URB2: variants seen among roughly 807,000 people sequenced by gnomAD.
URB2 encodes URB2 ribosome biogenesis homolog.
A neutral mutation model predicts 120.9 loss-of-function variants in URB2; 86 were observed. The observed-to-expected ratio is 0.71, with a 90% CI of 0.60 to 0.85. URB2 has a LOEUF of 0.85. Ranked by LOEUF, URB2 falls within the 40% of genes least tolerant of loss-of-function variation. The pLI is 0.00. For missense variants in URB2, 1,765 were observed against 1,836.5 expected (o/e 0.96, Z 0.71); for synonymous variants, 755 against 758.4 (o/e 1.00, Z 0.07).
chr1:229,635,513 G>A lies in URB2; in HGVS notation c.900G>A (p.Val300=). The change falls in exon 4 of 10, where the codon GTG becomes GTA. Residue 300 remains valine, a synonymous_variant. Transcript: ENST00000258243. ...CAGCATCCCTTCATACCTCTGTTGT[G>A]GCCAACTCAGTGGCCTTGCTGTATA... The part of the protein sequence containing the change: ...YCAASLHTSV[V]ANSVALLYKL... 1 of 1,614,044 alleles carries A rather than the reference G, an allele frequency of 6.2e-7. No homozygotes were observed. Among genetic ancestry groups the A allele is most frequent in the East Asian group, 2.2e-5 (1 of 44,894 alleles).
chr1:229,632,167 G>A (rs539658275), intron 2 of URB2, 102 bp from the exon 3 acceptor site: 17 of 471,360 alleles, frequency 3.6e-5, no homozygotes, highest in East Asian at 2.7e-4. Flanking sequence ...CGCCGCCCCC[G>A]TGGCAATTGG....
chr1:229,638,317 C>T (rs1665910284), intron 4 of URB2, 70 bp downstream of exon 4: 1 of 1,483,934 alleles, frequency 6.7e-7, no homozygotes, highest in African/African-American at 1.4e-5. Context: ...CTTTTTGGAA[C>T]TGGGAATAAG....
Position 229,654,254 on chromosome 1 carries a change from A to G in URB2, c.4243A>G (p.Ile1415Val), listed in dbSNP as rs895573807. The G allele has an allele frequency of 3.7e-6, 6 of 1,613,860 alleles. No individual in the cohort carries two copies. The Admixed American group carries it at 8.3e-5, about 22-fold the overall frequency. ...AAACACTTTGTTGTCTGTAGGAAGC[A>G]TAGATGACCTGCCTACGGTCCTAAA... ...REGRQKDKGS[I>V]DDLPTVLKCA... The change falls in exon 9 of 10, where the codon ATA (isoleucine) becomes GTA (valine). Residue 1415 changes from isoleucine (I) to valine (V), a missense_variant. Physicochemically the swap from Ile to Val is conservative, Grantham distance 29. Coordinates refer to ENST00000258243, the MANE Select transcript of URB2 (RefSeq NM_014777.4).
intron 7 of URB2, among the ~76,000 whole-genome samples, chr1:229,648,976 CAT>C (rs1387259367): frequency 2.0e-5 from 3 of 152,184 alleles, no homozygotes; most frequent in Non-Finnish European, 4.4e-5. Flanking sequence ...ACCTGTACAA[CAT>C]GTGACTAATG....
intron 9 of URB2, among the ~76,000 whole-genome samples, chr1:229,657,620 C>T (rs775922196): frequency 4.6e-5 from 7 of 152,282 alleles, no homozygotes; most frequent in East Asian, 1.9e-4. Context: ...GTCTGTTTTT[C>T]GTTTTGTTTT....
chr1:229,640,501 G>C (rs990555071), intron 4 of URB2, among the ~76,000 whole-genome samples: 1 of 152,126 alleles, frequency 6.6e-6, no homozygotes, highest in Non-Finnish European at 1.5e-5. Flanking sequence ...TTGAGGTGAG[G>C]TCTGGAAGTC....
At chr1:229,628,190 A>AT (rs1558160183) in intron 2 of URB2, among the ~76,000 whole-genome samples, 15 of 144,494 alleles carry the variant, frequency 1.0e-4, no homozygotes, top group East Asian at 5.9e-4. Context: ...TAATATATAT[A>AT]ATATATATGT....
rs750618264 is a variant in URB2, at chr1:229,636,230, A to G, written c.1617A>G (p.Ser539=). 21 of 1,613,186 alleles carry G rather than the reference A, an allele frequency of 1.3e-5. No homozygotes were observed. The highest frequency in any genetic ancestry group is 1.6e-5 in the Non-Finnish European group (19 of 1,179,318). The change falls in exon 4 of 10, where the codon TCA becomes TCG. Residue 539 remains serine (S), a synonymous_variant. Transcript: ENST00000258243. ...LQSDADMALK[S]LSLSLLLHCI... is the part of the protein sequence containing the mutation. ...GTGATGCCGACATGGCCCTGAAATC[A>G]CTGTCACTGAGCTTGCTGCTGCACT...
intron 3 of URB2, 117 bp from the exon 4 acceptor site, chr1:229,634,800 C>G (rs750301047): frequency 2.1e-5 from 20 of 969,946 alleles, no homozygotes; most frequent in Non-Finnish European, 2.8e-5. Flanking sequence ...CTGGGCATTT[C>G]TTTCTTACCA....
intron 5 of URB2, among the ~76,000 whole-genome samples, 195 bp downstream of exon 5, chr1:229,643,888 G>A (rs1666073634): frequency 6.6e-6 from 1 of 152,234 alleles, no homozygotes; most frequent in Non-Finnish European, 1.5e-5. Context: ...GGAGGCCTTA[G>A]TTTTCAAACG....
chr1:229,642,811 C>T (rs960703343), intron 4 of URB2, among the ~76,000 whole-genome samples: 1 of 152,146 alleles, frequency 6.6e-6, no homozygotes, highest in East Asian at 1.9e-4. Context: ...GGTTAAGGCA[C>T]CAACCCCCAG....
chr1:229,626,451 A>T (rs1665479150), intron 1 of URB2, 95 bp downstream of exon 1: 1 of 152,640 alleles, frequency 6.6e-6, no homozygotes, highest in Non-Finnish European at 1.5e-5. Flanking sequence ...CCCCCTACCT[A>T]AGGCCGGGCC....
At chr1:229,632,232 T>C (rs1033042155) in intron 2 of URB2, 37 bp from the exon 3 acceptor site, 2 of 1,431,104 alleles carry the variant, frequency 1.4e-6, no homozygotes, top group African/African-American at 3.0e-5. Flanking sequence ...TCTCAGCAAA[T>C]AAATTTATTT....
intron 9 of URB2, among the ~76,000 whole-genome samples, chr1:229,656,397 G>A (rs1467552801): frequency 1.3e-5 from 2 of 152,186 alleles, no homozygotes; most frequent in South Asian, 4.1e-4. Context: ...TCTAATTTAT[G>A]CTCATTAGTT....
chr1:229,655,971 G>A (rs1277291881), intron 9 of URB2, among the ~76,000 whole-genome samples: 2 of 152,172 alleles, frequency 1.3e-5, no homozygotes, highest in African/African-American at 2.4e-5. Flanking sequence ...TGCTCACCTC[G>A]GCAGGTGGCG....
chr1:229,643,870 C>T (rs936733020), intron 5 of URB2, among the ~76,000 whole-genome samples, 177 bp downstream of exon 5: 7 of 152,164 alleles, frequency 4.6e-5, no homozygotes, highest in Admixed American at 1.3e-4. Context: ...GCCCAGGCTG[C>T]GGCATAGGGA....
intron 3 of URB2, among the ~76,000 whole-genome samples, chr1:229,632,818 T>G (rs1001918070): frequency 1.6e-4 from 25 of 151,518 alleles, no homozygotes; most frequent in Admixed American, 6.6e-5. Flanking sequence ...AAGGTTTTTT[T>G]TTTTTTTTTT....
At position 229,636,258 on chromosome 1, in the gene URB2, A is replaced by G. The variant is rs377291192; in HGVS notation, c.1645A>G (p.Ile549Val). 883 of 1,614,014 alleles carry G rather than the reference A, an allele frequency of 5.5e-4. 10 individuals carry two copies. In the South Asian group the frequency reaches 6.4e-3, roughly 12 times the overall value. The change falls in exon 4 of 10, where the codon ATC (isoleucine) becomes GTC (valine). Residue 549 changes from isoleucine (I) to valine (V), a missense_variant. Coordinates refer to ENST00000258243, the MANE Select transcript of URB2 (RefSeq NM_014777.4). ...SLSLSLLLHC[I>V]MFNMRSLDSS... ...GTCACTGAGCTTGCTGCTGCACTGC[A>G]TCATGTTCAACATGAGGAGCCTGGA... is the stretch of plus-strand genomic sequence containing the variant.
In URB2 at chr1:229,637,046, C is replaced by G. The variant is rs2102786194; in HGVS notation, c.2433C>G (p.Phe811Leu). 2 of 1,614,102 alleles carry G rather than the reference C, an allele frequency of 1.2e-6. No homozygotes were observed. The highest frequency in any genetic ancestry group is 1.1e-5 in the South Asian group (1 of 91,078). Residue 811 changes from phenylalanine to leucine, a missense_variant, in exon 4 of 10, where the codon TTC becomes TTG. Transcript: ENST00000258243. ...FPEMQSLHSA[F>L]LTCVTTSCSS... ...AGATGCAGTCCCTTCATTCTGCTTT[C>G]TTAACGTGCGTAACCACAAGTTGCT...
Sources: allele counts gnomAD v4.1 joint callset (sites outside exome capture counted in the v4.1 genomes callset), GRCh38; gene constraint gnomAD v4.1.1; transcripts MANE v1.5; gene names NCBI Gene and HGNC (gene_info 2026-07-23, HGNC 2026-07-21).